SYN3: variants seen among roughly 807,000 people sequenced by gnomAD.
The protein encoded by SYN3 is synapsin III, also known as synapsin-3.
Under a neutral mutation model 65.8 loss-of-function variants are expected in SYN3, and 35 were observed. That is an observed-to-expected ratio of 0.53 (90% CI 0.41 to 0.70). The LOEUF (loss-of-function observed/expected upper bound fraction) is 0.70. Among genes scored for constraint, SYN3 ranks in the 30% least tolerant of loss-of-function variants. The pLI is 0.00. For synonymous variants in SYN3, 270 were observed against 292.9 expected (o/e 0.92, Z 0.80); for missense variants, 680 against 749.0 (o/e 0.91, Z 1.08).
At chr22:32,644,381 G>C (rs1301798767) in intron 6 of SYN3, among the ~76,000 whole-genome samples, 1 of 152,080 alleles carries the variant, frequency 6.6e-6, no homozygotes, top group Non-Finnish European at 1.5e-5. Context: ...AGAGGGAGGT[G>C]CTCTCCACCA....
intron 6 of SYN3, among the ~76,000 whole-genome samples, chr22:32,625,491 C>A (rs1258991011): frequency 1.3e-5 from 2 of 152,340 alleles, no homozygotes; most frequent in South Asian, 2.1e-4. Flanking sequence ...CCAGAGTTAT[C>A]TCAGTACATG....
At position 33,006,408 on chromosome 22, in the gene SYN3, CGTGGAGGGACCTGGAGGCTCCATCA is replaced by C. The variant is rs1569398925; in HGVS notation, c.230_254del (p.Leu77ArgfsTer12). ...GGATCCTGGGTCTTTGAACAATGGG[CGTGGAGGGACCTGGAGGCTCCATCA>C]GTCCTGAGGTGGCCTGAGGGGCCTG... On this transcript the variant is annotated frameshift_variant, in exon 2 of 14. Coordinates refer to ENST00000358763, the MANE Select transcript of SYN3 (RefSeq NM_003490.4). LOFTEE classifies it high-confidence loss of function. The C allele has an allele frequency of 6.2e-7, 1 of 1,614,006 alleles. No individual in the cohort carries two copies. The highest frequency in any genetic ancestry group is 8.5e-7 in the Non-Finnish European group (1 of 1,180,014).
intron 9 of SYN3, 94 bp downstream of exon 9, chr22:32,537,942 G>A (rs2146213743): frequency 9.0e-7 from 1 of 1,112,262 alleles, no homozygotes; most frequent in Non-Finnish European, 1.4e-6. Flanking sequence ...TGGACGGAGG[G>A]CGGAGTGGCC....
intron 6 of SYN3, among the ~76,000 whole-genome samples, chr22:32,730,688 T>A (rs923904330): frequency 4.6e-5 from 7 of 152,220 alleles, no homozygotes; most frequent in African/African-American, 1.7e-4. Flanking sequence ...ACAGAAACTG[T>A]GAGGTAATAA....
At chr22:32,643,575 C>T (rs1038377949) in intron 6 of SYN3, among the ~76,000 whole-genome samples, 5 of 138,624 alleles carry the variant, frequency 3.6e-5, no homozygotes, top group Non-Finnish European at 6.1e-5. Flanking sequence ...GCAGAACAGA[C>T]CCATAAAGGA....
intron 4 of SYN3, among the ~76,000 whole-genome samples, chr22:32,920,165 C>T (rs1286717390): frequency 2.0e-5 from 3 of 152,182 alleles, no homozygotes; most frequent in African/African-American, 4.8e-5. Context: ...GCGGTTTGAA[C>T]GGGTGCCTAT....
intron 6 of SYN3, among the ~76,000 whole-genome samples, chr22:32,670,474 A>T (rs2060345396): frequency 6.6e-6 from 1 of 152,208 alleles, no homozygotes; most frequent in South Asian, 2.1e-4. Flanking sequence ...AAGACCAGAG[A>T]TGACGCTGGG....
At chr22:32,572,423 CT>C (rs2058784543) in intron 7 of SYN3, among the ~76,000 whole-genome samples, 1 of 5,340 alleles carries the variant, frequency 1.9e-4, no homozygotes. Context: ...TTCCTTCCTT[CT>C]TCCTTCCTTC....
intron 6 of SYN3, among the ~76,000 whole-genome samples, chr22:32,724,026 G>A (rs966831592): frequency 1.3e-5 from 2 of 152,076 alleles, no homozygotes; most frequent in Non-Finnish European, 1.5e-5. Flanking sequence ...AGCTAGTGTC[G>A]GAGCAAACCT....
intron 3 of SYN3, among the ~76,000 whole-genome samples, chr22:32,934,779 T>A (rs2050727012): frequency 6.6e-6 from 1 of 152,200 alleles, no homozygotes; most frequent in Non-Finnish European, 1.5e-5. Flanking sequence ...TGTAATCCAG[T>A]TAAGGATATC....
chr22:32,692,177 C>CAAAAAAAAAAAAAAAAAAAAAAAAAAAAA (rs2060673135), intron 6 of SYN3, among the ~76,000 whole-genome samples: 3 of 65,970 alleles, frequency 4.5e-5, no homozygotes, highest in Non-Finnish European at 4.9e-5. Context: ...AAAAAAAAAA[C>CAAAAAAAAAAAAAAAAAAAAAAAAAAAAA]AGGACGGTCT....
At chr22:32,900,945 T>C (rs2146525956) in intron 4 of SYN3, among the ~76,000 whole-genome samples, 1 of 152,386 alleles carries the variant, frequency 6.6e-6, no homozygotes, top group South Asian at 2.1e-4. Context: ...TTTGGTTTAC[T>C]GATGCAGCAA....
intron 6 of SYN3, among the ~76,000 whole-genome samples, chr22:32,643,811 G>T (rs1044773164): frequency 6.6e-6 from 1 of 151,880 alleles, no homozygotes; most frequent in Non-Finnish European, 1.5e-5. Context: ...GAGACAAGGG[G>T]CCGGGCGCGG....
intron 6 of SYN3, among the ~76,000 whole-genome samples, chr22:32,807,359 TATAATATATA>T: frequency 8.9e-5 from 1 of 11,214 alleles, no homozygotes; most frequent in South Asian, 5.5e-3. Context: ...ATATATAATA[TATAATATATA>T]TTATATATAA....
chr22:32,885,756 T>A lies in SYN3; in HGVS notation c.462-16631A>T, dbSNP rs145827299. On this transcript the variant is annotated intron_variant, in intron 4 of 13. Transcript: ENST00000358763. ...TTGTATTCTTAGTAGAGATGGGGTT[T>A]CACCATGTTGGCTGGGCTGGTCTGG... Among the ~76,000 whole-genome samples, 513 of 152,274 alleles carry A rather than the reference T, an allele frequency of 3.4e-3. 3 individuals are homozygous for A. Among genetic ancestry groups the A allele is most frequent in the African/African-American group, 0.011 (476 of 41,556 alleles).
chr22:32,662,925 A>G (rs2060235665), intron 6 of SYN3, among the ~76,000 whole-genome samples: 1 of 152,238 alleles, frequency 6.6e-6, no homozygotes. Flanking sequence ...TCACTTTCTG[A>G]GAAAAGCAAA....
At chr22:32,833,963 C>G (rs527525089) in intron 6 of SYN3, 4 of 479,936 alleles carry the variant, frequency 8.3e-6, no homozygotes, top group African/African-American at 8.0e-5. Context: ...AAGTGGGGAA[C>G]TACCCACATG....
intron 3 of SYN3, among the ~76,000 whole-genome samples, chr22:32,945,090 C>T (rs62234204): frequency 6.6e-6 from 1 of 152,128 alleles, no homozygotes; most frequent in African/African-American, 2.4e-5. Flanking sequence ...TAGGAAGAAT[C>T]AATATTGTGA....
At chr22:32,854,006 CT>C (rs1276564332) in intron 6 of SYN3, among the ~76,000 whole-genome samples, 1 of 152,180 alleles carries the variant, frequency 6.6e-6, no homozygotes, top group Non-Finnish European at 1.5e-5. Flanking sequence ...CCTTTAACAT[CT>C]TTTCCAACTC....
Sources: gnomAD v4.1 joint callset for allele counts (sites outside exome capture counted in the v4.1 genomes callset) on GRCh38, gnomAD v4.1.1 for gene constraint, MANE v1.5 for transcripts, NCBI Gene and HGNC (gene_info 2026-07-23, HGNC 2026-07-21) for gene names.